Variants in CALN1 observed in about 807,000 individuals in gnomAD.
CALN1 encodes the protein calcium-binding protein 8.
In CALN1, 17 loss-of-function variants were observed where a neutral mutation model predicts 30.6. The ratio of observed to expected loss-of-function variants is 0.56; its 90% CI spans 0.38 to 0.83. The LOEUF is 0.83. Among genes scored for constraint, CALN1 ranks in the 40% least tolerant of loss-of-function variants. CALN1 has a pLI of 0.00. For synonymous variants in CALN1, 156 were observed against 131.4 expected, an observed-to-expected ratio of 1.19 and a Z score of -1.28; for missense variants, 291 against 354.9, an observed-to-expected ratio of 0.82 and a Z score of 1.45.
intron 5 of CALN1, among the ~76,000 whole-genome samples, chr7:72,019,346 G>T (rs1800578190): frequency 6.6e-6 from 1 of 152,110 alleles, no homozygotes; most frequent in Non-Finnish European, 1.5e-5. Flanking sequence ...CTTTATGGTA[G>T]CTAGCCTCCA....
chr7:72,246,637 G>A (rs1304127626), intron 3 of CALN1, among the ~76,000 whole-genome samples: 1 of 151,784 alleles, frequency 6.6e-6, no homozygotes, highest in African/African-American at 2.4e-5. Flanking sequence ...GTGGACAGGA[G>A]AAAAAAAGAC....
rs1803334735 is a variant in CALN1, at chr7:72,357,899, G to A, written c.119+45352C>T. 2.0e-5 allele frequency among the ~76,000 whole-genome samples: 3 copies of A among 149,632 alleles called. 1 individual carries two copies. Among genetic ancestry groups the A allele is most frequent in the South Asian group, 2.1e-4 (1 of 4,768 alleles). On this transcript the variant is annotated intron_variant, in intron 2 of 6. Coordinates refer to ENST00000395275, the MANE Select transcript of CALN1 (RefSeq NM_031468.4). The stretch of plus-strand genomic sequence containing the variant: ...TTTTAGATGGAGTCCCCAGCTCCCA[G>A]GCTCAAGGGATTCTCTTGCATCAGC...
intron 3 of CALN1, among the ~76,000 whole-genome samples, chr7:72,111,758 T>G (rs547058821): frequency 2.0e-4 from 30 of 151,514 alleles, no homozygotes; most frequent in Admixed American, 7.9e-4. Flanking sequence ...TCTTTCTTTT[T>G]TTTTTTGTTG....
chr7:71,886,308 C>T (rs78776884), intron 5 of CALN1, among the ~76,000 whole-genome samples: 17,290 of 152,250 alleles, frequency 0.11, 1,433 homozygotes, highest in East Asian at 0.43. Flanking sequence ...AATAGGCTGG[C>T]CTGAAGTGCC....
chr7:71,792,652 G>A (rs1262229671), intron 6 of CALN1, among the ~76,000 whole-genome samples: 2 of 152,098 alleles, frequency 1.3e-5, no homozygotes, highest in South Asian at 4.2e-4. Context: ...GAAGGAAAGG[G>A]CCAAAGAAGA....
chr7:72,404,501 G>A (rs886475316), intron 1 of CALN1, among the ~76,000 whole-genome samples: 1 of 152,196 alleles, frequency 6.6e-6, no homozygotes, highest in African/African-American at 2.4e-5. Context: ...AACCAACAAA[G>A]CCCCGGCCAC....
At chr7:71,890,458 T>C (rs1445072866) in intron 5 of CALN1, among the ~76,000 whole-genome samples, 1 of 152,206 alleles carries the variant, frequency 6.6e-6, no homozygotes, top group East Asian at 1.9e-4. Flanking sequence ...CCTGGGCTTC[T>C]GATTCCCTCT....
chr7:72,324,982 C>T (rs535997569), intron 2 of CALN1, among the ~76,000 whole-genome samples: 1 of 152,014 alleles, frequency 6.6e-6, no homozygotes, highest in Non-Finnish European at 1.5e-5. Context: ...CTTTGGGTGT[C>T]GAGAATTAGA....
chr7:72,320,593 G>A (rs568074386), intron 2 of CALN1, among the ~76,000 whole-genome samples: 2 of 152,228 alleles, frequency 1.3e-5, no homozygotes, highest in East Asian at 3.9e-4. Flanking sequence ...CCAACACTTT[G>A]GGAGGCCGCG....
chr7:71,792,142 T>G (rs1476811153), intron 6 of CALN1, among the ~76,000 whole-genome samples: 2 of 152,206 alleles, frequency 1.3e-5, no homozygotes, highest in Non-Finnish European at 2.9e-5. Flanking sequence ...TTCCTGATAA[T>G]TATTGAAGAT....
chr7:72,150,629 T>G (rs1258374334), intron 3 of CALN1, among the ~76,000 whole-genome samples: 1 of 152,094 alleles, frequency 6.6e-6, no homozygotes, highest in East Asian at 1.9e-4. Flanking sequence ...AGGGTGAGCT[T>G]GATATTGGCA....
At chr7:71,983,672 C>A (rs1798517001) in intron 5 of CALN1, among the ~76,000 whole-genome samples, 1 of 152,278 alleles carries the variant, frequency 6.6e-6, no homozygotes, top group South Asian at 2.1e-4. Flanking sequence ...GCTGGGATTA[C>A]AGGTGCCCGC....
At chr7:72,396,036 CTT>C (rs1280202094) in intron 2 of CALN1, among the ~76,000 whole-genome samples, 1 of 151,796 alleles carries the variant, frequency 6.6e-6, no homozygotes, top group Non-Finnish European at 1.5e-5. Flanking sequence ...GACACTAGCT[CTT>C]GTTCCCTCCA....
intron 1 of CALN1, among the ~76,000 whole-genome samples, chr7:72,428,766 A>G (rs1358689409): frequency 1.3e-5 from 2 of 152,326 alleles, no homozygotes; most frequent in East Asian, 3.9e-4. Flanking sequence ...TGAGAGTCCA[A>G]GGCGGGCAGA....
At chr7:71,897,972 CAAAAAAAA>C (rs1207497270) in intron 5 of CALN1, among the ~76,000 whole-genome samples, 1 of 59,044 alleles carries the variant, frequency 1.7e-5, no homozygotes, top group African/African-American at 8.1e-5. Flanking sequence ...AAACAAAAAA[CAAAAAAAA>C]AAAAAAAAAA....
chr7:72,099,809 G>A lies in CALN1; in HGVS notation c.388+6342C>T, dbSNP rs141736344. On this transcript the variant is annotated intron_variant, in intron 4 of 6. Coordinates refer to ENST00000395275, the MANE Select transcript of CALN1 (RefSeq NM_031468.4). ...ATGTGCTTTTACGTGATGGGTCACC[G>A]TGAAATAGTTGATGACTTGGGTTTT... is the stretch of plus-strand genomic sequence containing the variant. 1.1e-3 allele frequency among the ~76,000 whole-genome samples: 170 copies of A among 152,296 alleles called. 2 individuals carry two copies. In the East Asian group the frequency reaches 0.024, roughly 22 times the overall value.
At chr7:71,789,592 C>G (rs945844577) in intron 6 of CALN1, among the ~76,000 whole-genome samples, 12 of 152,030 alleles carry the variant, frequency 7.9e-5, no homozygotes, top group Non-Finnish European at 1.6e-4. Flanking sequence ...GATAGGGGGG[C>G]ACCAAACTCT....
chr7:72,253,552 G>C (rs774715175), intron 3 of CALN1, among the ~76,000 whole-genome samples: 1 of 152,222 alleles, frequency 6.6e-6, no homozygotes. Context: ...GGCGAAGCAA[G>C]AGAAACAGAG....
chr7:72,217,042 G>A (rs1720626056), intron 3 of CALN1, among the ~76,000 whole-genome samples: 1 of 152,110 alleles, frequency 6.6e-6, no homozygotes, highest in Admixed American at 6.6e-5. Flanking sequence ...CCGGCCTTCA[G>A]CATTTTTAAA....
Sources: gnomAD v4.1 joint callset for allele counts (sites outside exome capture counted in the v4.1 genomes callset) on GRCh38, gnomAD v4.1.1 for gene constraint, MANE v1.5 for transcripts, NCBI Gene and HGNC (gene_info 2026-07-23, HGNC 2026-07-21) for gene names.